Variants in TNRC6C observed in about 807,000 individuals in gnomAD.
The protein encoded by TNRC6C is trinucleotide repeat containing adaptor 6C.
A neutral mutation model predicts 153.7 loss-of-function variants in TNRC6C; 20 were observed. That is an observed-to-expected ratio of 0.13 (90% confidence interval 0.09 to 0.19). The LOEUF (loss-of-function observed/expected upper bound fraction) is 0.19. Ranked by LOEUF, TNRC6C falls within the 10% of genes least tolerant of loss-of-function variation. TNRC6C has a pLI of 1.00. For missense variants in TNRC6C, 1,987 were observed against 2,172.0 expected (o/e 0.91, Z 1.69); for synonymous variants, 811 against 841.4 (o/e 0.96, Z 0.63).
chr17:78,066,762 C>T (rs1021155636), intron 4 of TNRC6C: 7 of 152,188 alleles, frequency 4.6e-5, no homozygotes, highest in Non-Finnish European at 7.3e-5. Context: ...AGGCCTCCAT[C>T]CTGCTAGTCT....
chr17:78,050,597 C>T (rs912127139), exon 3 of TNRC6C: 37 of 1,584,192 alleles, frequency 2.3e-5, no homozygotes, highest in East Asian at 6.7e-5. Context: ...TGGGTCAACG[C>T]GCCACCTGCC....
intron 3 of TNRC6C, among the ~76,000 whole-genome samples, chr17:78,063,540 C>A (rs2072812365): frequency 6.6e-6 from 1 of 152,010 alleles, no homozygotes; most frequent in African/African-American, 2.4e-5. Flanking sequence ...AGGGACCAAT[C>A]CCTGAGGATG....
chr17:77,993,886 A>G (rs189691737), intron 1 of TNRC6C, among the ~76,000 whole-genome samples: 24 of 151,352 alleles, frequency 1.6e-4, no homozygotes, highest in African/African-American at 4.6e-4. Flanking sequence ...TTTTTTTTCT[A>G]TTTTGTTTCA....
intron 13 of TNRC6C, among the ~76,000 whole-genome samples, chr17:78,088,415 G>A (rs2073335095): frequency 6.6e-6 from 1 of 150,640 alleles, no homozygotes; most frequent in South Asian, 2.1e-4. Context: ...TTTTTTTTTG[G>A]TAGAGACAGG....
In TNRC6C at chr17:78,079,516, A is replaced by C; in HGVS notation, c.3332A>C (p.Gln1111Pro). 6.2e-7 allele frequency: 1 copy of C among 1,613,838 alleles called. No homozygotes were observed. The change falls in exon 10 of 20, where the codon CAA becomes CCA. Residue 1111 changes from glutamine to proline, a missense_variant. Gln to Pro is a moderately conservative substitution (Grantham distance 76). Around this residue, in one of 4 missense-constraint regions of TNRC6C, gnomAD observed 765 missense variants for 908.6 expected, o/e 0.84. Coordinates refer to ENST00000301624, the Ensembl canonical transcript of TNRC6C. The surrounding 1 kb of genome is among the most constrained non-coding windows in gnomAD (Gnocchi z 4.3). Reference sequence around the variant, plus strand: ...TCTTCCCAGCCCAGTCTCCGTGCTCAAGTGCCTCAGTTTCTATCCCCTCAG... The same window carrying C: ...TCTTCCCAGCCCAGTCTCCGTGCTCCAGTGCCTCAGTTTCTATCCCCTCAG...
chr17:78,102,925 C>A, intron 18 of TNRC6C: 1 of 241,794 alleles, frequency 4.1e-6, no homozygotes, highest in Non-Finnish European at 8.1e-6. Flanking sequence ...TCACCTGAGC[C>A]CAAGAGTTGG....
chr17:78,098,329 C>A lies in TNRC6C; in HGVS notation c.4307-14C>A. The A allele has an allele frequency of 6.3e-7, 1 of 1,599,932 alleles. No individual in the cohort carries two copies. The highest frequency in any genetic ancestry group is 8.5e-7 in the Non-Finnish European group (1 of 1,172,652). The stretch of plus-strand genomic sequence containing the variant: ...TCTCAAGACTGCATATGCTCCATCT[C>A]TCTGCCTTTCTAGGTAAACTGTCAG... On this transcript the variant is annotated splice_polypyrimidine_tract_variant and intron_variant, in intron 16 of 19. Coordinates refer to ENST00000301624, the Ensembl canonical transcript of TNRC6C.
chr17:78,103,139 C>T (rs115396312), intron 18 of TNRC6C, among the ~76,000 whole-genome samples: 3,227 of 152,288 alleles, frequency 0.021, 110 homozygotes, highest in African/African-American at 0.072. Context: ...GCGACGTGCT[C>T]TGGTGAAAGG....
chr17:78,070,201 G>A (rs912735268), intron 5 of TNRC6C, among the ~76,000 whole-genome samples: 2 of 152,122 alleles, frequency 1.3e-5, no homozygotes, highest in African/African-American at 4.8e-5. Flanking sequence ...TTAATGATGG[G>A]ACCAAAAATA....
At chr17:78,102,595 G>T in intron 18 of TNRC6C, 51 bp downstream of exon 21, 2 of 1,544,762 alleles carry the variant, frequency 1.3e-6, no homozygotes, top group Non-Finnish European at 8.8e-7. Flanking sequence ...GAGGGTTCCC[G>T]CTTGGCCCCC....
chr17:78,048,914 G>A (rs1004540395), exon 3 of TNRC6C: 63 of 1,268,468 alleles, frequency 5.0e-5, no homozygotes, highest in African/African-American at 6.1e-5. Context: ...ACTTACAGAA[G>A]CGAAGCCAAC....
At chr17:78,015,387 G>A (rs2071708868) in intron 1 of TNRC6C, among the ~76,000 whole-genome samples, 2 of 152,010 alleles carry the variant, frequency 1.3e-5, no homozygotes, top group South Asian at 4.1e-4. Context: ...AAAATGTGTG[G>A]GTTAAAAATG....
chr17:78,020,451 A>G (rs2143540818), intron 1 of TNRC6C, among the ~76,000 whole-genome samples: 1 of 152,340 alleles, frequency 6.6e-6, no homozygotes, highest in South Asian at 2.1e-4. Context: ...GTGATCTGTC[A>G]CAACTTGTAG....
chr17:78,024,527 C>T (rs1396651604), intron 1 of TNRC6C, among the ~76,000 whole-genome samples: 1 of 151,908 alleles, frequency 6.6e-6, no homozygotes, highest in Non-Finnish European at 1.5e-5. Flanking sequence ...CCACCACGCC[C>T]GGCTAATTTT....
chr17:78,092,207 G>A (rs528363389), intron 14 of TNRC6C, among the ~76,000 whole-genome samples: 2 of 152,192 alleles, frequency 1.3e-5, no homozygotes, highest in African/African-American at 2.4e-5. Context: ...AGTAGGTTAC[G>A]TAGTTCTCTC....
chr17:77,977,967 C>G (rs2071025008), intron 1 of TNRC6C, among the ~76,000 whole-genome samples: 1 of 146,156 alleles, frequency 6.8e-6, no homozygotes, highest in South Asian at 2.1e-4. Flanking sequence ...GCAATCTCGG[C>G]TCACTGCAAG....
chr17:78,033,224 G>A (rs911433499), intron 2 of TNRC6C, among the ~76,000 whole-genome samples: 4 of 152,196 alleles, frequency 2.6e-5, no homozygotes, highest in Non-Finnish European at 2.9e-5. Flanking sequence ...TGCTGCTGGT[G>A]CAGAATGTTA....
chr17:78,023,262 C>T (rs1160632565), intron 1 of TNRC6C, among the ~76,000 whole-genome samples: 2 of 152,220 alleles, frequency 1.3e-5, no homozygotes, highest in East Asian at 1.9e-4. Context: ...TGGAACCAGT[C>T]CCTCTTGGAT....
chr17:78,088,633 T>C (rs2073339916), intron 13 of TNRC6C, among the ~76,000 whole-genome samples: 1 of 145,968 alleles, frequency 6.9e-6, no homozygotes, highest in Non-Finnish European at 1.5e-5. Context: ...TTTCTCTCTC[T>C]TTTTTTTTTT....
Sources: gnomAD v4.1 joint callset for allele counts (sites outside exome capture counted in the v4.1 genomes callset) on GRCh38, gnomAD v4.1.1 for gene constraint, gnomAD v4.1.1 regional missense constraint, Gnocchi (gnomAD v3.1) non-coding constraint, MANE v1.5 for transcripts, NCBI Gene and HGNC (gene_info 2026-07-23, HGNC 2026-07-21) for gene names.